PNPLA4: variants seen among roughly 807,000 people sequenced by gnomAD.
PNPLA4 encodes the protein patatin-like phospholipase domain-containing protein 4.
PNPLA4 carries 15 observed loss-of-function variants against 18.3 expected under a neutral mutation model. The ratio of observed to expected loss-of-function variants is 0.82; its 90% CI spans 0.55 to 1.26. The LOEUF is 1.26. PNPLA4 is among the 50% of genes most tolerant of loss of function. The pLI is 0.00. For synonymous variants in PNPLA4, 88 were observed against 85.6 expected (o/e 1.03, Z -0.16); for missense variants, 229 against 196.8 (o/e 1.16, Z -0.98).
At chrX:7,904,429 G>C (rs1423347262) in intron 5 of PNPLA4, among the ~76,000 whole-genome samples, 1 of 111,879 alleles carries the variant, frequency 8.9e-6, no homozygotes, top group Admixed American at 9.5e-5. Flanking sequence ...CAAATCACTT[G>C]ATTAAACTTG....
At chrX:7,927,414 C>T (rs1924470849), upstream of PNPLA4, 1 of 113,522 alleles carries the variant, frequency 8.8e-6, no homozygotes, top group African/African-American at 3.2e-5. Flanking sequence ...CCAGGAAAGT[C>T]CTGCGGCAGG....
At chrX:7,909,052 C>T (rs982287960) in intron 5 of PNPLA4, among the ~76,000 whole-genome samples, 3 of 111,794 alleles carry the variant, frequency 2.7e-5, no homozygotes, top group Admixed American at 9.5e-5. Flanking sequence ...AAACAAGGAA[C>T]GCATTGTTTG....
intron 5 of PNPLA4, among the ~76,000 whole-genome samples, chrX:7,911,511 CA>C (rs1923875309): frequency 9.0e-6 from 1 of 111,083 alleles, no homozygotes; most frequent in Non-Finnish European, 1.9e-5. Context: ...GTGCCAGCTC[CA>C]AGTGAGGAGC....
intron 2 of PNPLA4, among the ~76,000 whole-genome samples, chrX:7,923,227 G>C (rs1197421615): frequency 1.8e-5 from 2 of 111,742 alleles, no homozygotes; most frequent in African/African-American, 6.5e-5. Flanking sequence ...AGATAATCCT[G>C]GATGACCTGG....
chrX:7,919,860 A>G (rs1479152643), intron 4 of PNPLA4, among the ~76,000 whole-genome samples: 1 of 112,130 alleles, frequency 8.9e-6, no homozygotes, highest in Admixed American at 9.4e-5. Context: ...CAGGTCATAC[A>G]GTATGGAGGG....
In PNPLA4 at chrX:7,903,274, G is replaced by GTTTATTTATTTA. The variant is rs55848008; in HGVS notation, c.478-1145_478-1134dup. On this transcript the variant is annotated intron_variant, in intron 5 of 6. Coordinates refer to ENST00000381042, the MANE Select transcript of PNPLA4 (RefSeq NM_004650.3). ...TGTGTCTTTTTCATGTCCTTCTTGT[G>GTTTATTTATTTA]TTTATTTATTTATTTATTTATTTAT... 2.0e-3 allele frequency among the ~76,000 whole-genome samples: 187 copies of GTTTATTTATTTA among 93,040 alleles called. 2 individuals carry two copies. Among genetic ancestry groups the GTTTATTTATTTA allele is most frequent in the Non-Finnish European group, 2.1e-3 (100 of 46,927 alleles). The allele number at this position is 93,040 out of a possible 115,157, so 80.8% of individuals were successfully genotyped here.
intron 1 of PNPLA4, 122 bp from the exon 2 acceptor site, chrX:7,926,254 T>A (rs1569108879): frequency 1.5e-5 from 7 of 479,396 alleles, no homozygotes; most frequent in Non-Finnish European, 2.0e-5. Context: ...TTAAGCACAG[T>A]GGTTTCAATT....
chrX:7,903,917 T>G (rs1321431499), intron 5 of PNPLA4, among the ~76,000 whole-genome samples: 1 of 111,451 alleles, frequency 9.0e-6, no homozygotes, highest in African/African-American at 3.3e-5. Flanking sequence ...ACACATGTGT[T>G]TGTGTATGTG....
chrX:7,921,599 C>T (rs1319337219), intron 4 of PNPLA4, 114 bp downstream of exon 4: 4 of 662,780 alleles, frequency 6.0e-6, no homozygotes, highest in Non-Finnish European at 7.1e-6. Context: ...AACCATCTAT[C>T]GGGCCTGGTA....
chrX:7,924,421 G>A (rs751706036), intron 2 of PNPLA4, among the ~76,000 whole-genome samples: 2 of 112,253 alleles, frequency 1.8e-5, no homozygotes, highest in Non-Finnish European at 3.8e-5. Flanking sequence ...TATTTCAGAT[G>A]CTAAAAATAA....
intron 4 of PNPLA4, among the ~76,000 whole-genome samples, chrX:7,920,975 A>T (rs1421176728): frequency 8.9e-6 from 1 of 112,589 alleles, no homozygotes; most frequent in South Asian, 3.6e-4. Flanking sequence ...TTCTCTGTTA[A>T]AAACATAAAA....
chrX:7,906,421 T>C (rs1274902964), intron 5 of PNPLA4, among the ~76,000 whole-genome samples: 1 of 112,016 alleles, frequency 8.9e-6, no homozygotes, highest in Non-Finnish European at 1.9e-5. Context: ...GGTTTTTGCA[T>C]GTGTGAAGGA....
rs59034856 is a variant in PNPLA4 at position 7,899,626 on chromosome X, C to CGAGAGAGAGAGAGAGAGAGAGAGAGA, written c.*1034_*1059dup. The CGAGAGAGAGAGAGAGAGAGAGAGAGA allele has an allele frequency of 2.1e-5, 1 of 46,583 alleles. No homozygotes were observed. The highest frequency in any genetic ancestry group is 4.0e-5 in the Non-Finnish European group (1 of 25,176). The allele number at this position is 46,583 out of a possible 1,213,427, so 3.8% of individuals were successfully genotyped here. On this transcript the variant is annotated 3_prime_UTR_variant, in exon 7 of 7. Transcript: ENST00000381042. ...TAGCTAAATACTCAGAGAGGTATGG[C>CGAGAGAGAGAGAGAGAGAGAGAGAGA]GAGAGAGAGAGAGAGAGAGAGAGAG...
chrX:7,902,079 G>A lies in PNPLA4; in HGVS notation c.540C>T (p.Thr180=). 1 of 1,209,179 alleles carries A rather than the reference G, an allele frequency of 8.3e-7. No individual in the cohort carries two copies. Among genetic ancestry groups the A allele is most frequent in the Non-Finnish European group, 1.1e-6 (1 of 893,790 alleles). ...LPILPVGRTV[T]ISPFSGRLDI... is the part of the protein sequence containing the mutation. ...CCAGTCGTCCACTGAAGGGGGAGAT[G>A]GTTACTGTCCGGCCGACGGGCAGGA... The change falls in exon 6 of 7, where the codon ACC becomes ACT. Residue 180 remains threonine, a synonymous_variant. Coordinates refer to ENST00000381042, the MANE Select transcript of PNPLA4 (RefSeq NM_004650.3).
In PNPLA4 at chrX:7,902,153, A is replaced by C; in HGVS notation, c.478-12T>G. On this transcript the variant is annotated splice_polypyrimidine_tract_variant and intron_variant, in intron 5 of 6. Coordinates refer to ENST00000381042, the MANE Select transcript of PNPLA4 (RefSeq NM_004650.3). ...CCGTCCACCCACTTCTGTGGAAAGAAACATCTCACGTCAGCACACGTCAAC... is the reference window on the plus strand; with the variant it reads ...CCGTCCACCCACTTCTGTGGAAAGACACATCTCACGTCAGCACACGTCAAC... The C allele has an allele frequency of 8.4e-7, 1 of 1,193,988 alleles. No homozygotes were observed. Among genetic ancestry groups the C allele is most frequent in the Non-Finnish European group, 1.1e-6 (1 of 886,749 alleles).
Position 7,921,834 on chromosome X carries a change from G to A in PNPLA4, c.290C>T (p.Ser97Leu). ...CTCGTGAGCGCTGGGAGGAAGAATC[G>A]ACTCCATCCCACTTCTAAAGAAGAA... is the stretch of plus-strand genomic sequence containing the variant. Reference protein sequence around the residue: ...FMARLRSGMESILPPSAHELA... With the variant: ...FMARLRSGMELILPPSAHELA... The change falls in exon 4 of 7, where the codon TCG (serine) becomes TTG (leucine). Residue 97 changes from serine to leucine, a missense_variant. Transcript: ENST00000381042. 2 of 1,208,038 alleles carry A rather than the reference G, an allele frequency of 1.7e-6. No individual in the cohort carries two copies. Among genetic ancestry groups the A allele is most frequent in the Non-Finnish European group, 2.2e-6 (2 of 892,684 alleles).
intron 4 of PNPLA4, among the ~76,000 whole-genome samples, chrX:7,916,678 C>T (rs1924055950): frequency 8.9e-6 from 1 of 111,908 alleles, no homozygotes; most frequent in Admixed American, 9.5e-5. Flanking sequence ...ACCACCCCTC[C>T]ATGACTCTTT....
chrX:7,910,614 G>A (rs746731029), intron 5 of PNPLA4, among the ~76,000 whole-genome samples: 17 of 110,005 alleles, frequency 1.5e-4, no homozygotes, highest in Non-Finnish European at 2.7e-4. Flanking sequence ...TCTCTGATAT[G>A]TATGAAATAT....
chrX:7,903,354 C>T (rs1923604082), intron 5 of PNPLA4, among the ~76,000 whole-genome samples: 1 of 109,552 alleles, frequency 9.1e-6, no homozygotes. Flanking sequence ...GGCTGGAGTG[C>T]AGTGGTGTGA....
Sources: allele counts gnomAD v4.1 joint callset (sites outside exome capture counted in the v4.1 genomes callset), GRCh38; gene constraint gnomAD v4.1.1; transcripts MANE v1.5; gene names NCBI Gene and HGNC (gene_info 2026-07-23, HGNC 2026-07-21).